Variants in HCK observed in about 807,000 individuals in gnomAD.
HCK encodes the protein tyrosine-protein kinase HCK.
Under a neutral mutation model 70.4 loss-of-function variants are expected in HCK, and 40 were observed. The ratio of observed to expected loss-of-function variants is 0.57; its 90% CI spans 0.44 to 0.74. The LOEUF (loss-of-function observed/expected upper bound fraction) is 0.74, where lower values mean the gene tolerates loss of function less well. Among genes scored for constraint, HCK ranks in the 30% least tolerant of loss-of-function variants. The pLI is 0.00. For synonymous variants in HCK, 245 were observed against 263.2 expected, an observed-to-expected ratio of 0.93 and a Z score of 0.67; for missense variants, 568 against 697.2, an observed-to-expected ratio of 0.81 and a Z score of 2.09.
chr20:32,056,664 A>G (rs1267828390), intron 1 of HCK, among the ~76,000 whole-genome samples: 2 of 152,072 alleles, frequency 1.3e-5, no homozygotes, highest in Admixed American at 6.6e-5. Flanking sequence ...TTTTATTAGT[A>G]TTATTATTAC....
At chr20:32,059,293 T>TTCCTTCCTTCCTTCCC (rs1188956257) in intron 1 of HCK, among the ~76,000 whole-genome samples, 2,332 of 148,900 alleles carry the variant, frequency 0.016, 39 homozygotes, top group Admixed American at 0.023. Context: ...CCTTCCTTCC[T>TTCCTTCCTTCCTTCCC]TCCCTCCCTC....
intron 3 of HCK, 49 bp from the exon 4 acceptor site, chr20:32,073,667 G>A (rs1383721535): frequency 7.7e-7 from 1 of 1,303,678 alleles, no homozygotes; most frequent in Non-Finnish European, 1.1e-6. Flanking sequence ...ACCAAGGGCT[G>A]TGGATGCACT....
At chr20:32,083,188 A>C (rs1292179750) in intron 6 of HCK, among the ~76,000 whole-genome samples, 1 of 152,110 alleles carries the variant, frequency 6.6e-6, no homozygotes, top group African/African-American at 2.4e-5. Context: ...ACCTCCTTCT[A>C]ACAAGAACTC....
chr20:32,093,528 T>C (rs887457108), intron 10 of HCK, among the ~76,000 whole-genome samples: 1 of 151,440 alleles, frequency 6.6e-6, no homozygotes, highest in South Asian at 2.1e-4. Flanking sequence ...TGTGTGCATG[T>C]GCACGTGTGT....
At chr20:32,071,058 A>G (rs2045530839) in intron 1 of HCK, among the ~76,000 whole-genome samples, 1 of 152,022 alleles carries the variant, frequency 6.6e-6, no homozygotes, top group South Asian at 2.1e-4. Context: ...GACAAACTAG[A>G]TTGTTTGAGC....
At chr20:32,063,586 C>T (rs897408178) in intron 1 of HCK, among the ~76,000 whole-genome samples, 35 of 152,040 alleles carry the variant, frequency 2.3e-4, no homozygotes, top group African/African-American at 8.5e-4. Context: ...GCTTCAGTGC[C>T]ATCAGCTTAA....
At chr20:32,064,130 A>G (rs1424345672) in intron 1 of HCK, among the ~76,000 whole-genome samples, 1 of 150,576 alleles carries the variant, frequency 6.6e-6, no homozygotes, top group Non-Finnish European at 1.5e-5. Flanking sequence ...CAGCCTCCCA[A>G]GTAGCTGGGA....
intron 1 of HCK, among the ~76,000 whole-genome samples, chr20:32,069,231 G>A (rs140200054): frequency 3.9e-5 from 6 of 152,332 alleles, no homozygotes; most frequent in Non-Finnish European, 8.8e-5. Flanking sequence ...CCCTTTCTCA[G>A]AGATGGCCTT....
At chr20:32,086,113 G>A (rs1028002552) in intron 8 of HCK, among the ~76,000 whole-genome samples, 1 of 152,148 alleles carries the variant, frequency 6.6e-6, no homozygotes, top group African/African-American at 2.4e-5. Context: ...TCCGTCTCCT[G>A]GGTTCACACC....
At chr20:32,059,855 T>C (rs888988421) in intron 1 of HCK, among the ~76,000 whole-genome samples, 9 of 152,154 alleles carry the variant, frequency 5.9e-5, no homozygotes, top group African/African-American at 1.9e-4. Context: ...TGCACTAATG[T>C]TTTACTAGGT....
chr20:32,087,711 G>A (rs2045809280), intron 9 of HCK, among the ~76,000 whole-genome samples: 1 of 151,692 alleles, frequency 6.6e-6, no homozygotes, highest in Non-Finnish European at 1.5e-5. Flanking sequence ...GCACAATCTC[G>A]GCTCAATGCA....
At chr20:32,080,935 A>T (rs1263189483) in intron 6 of HCK, among the ~76,000 whole-genome samples, 1 of 151,928 alleles carries the variant, frequency 6.6e-6, no homozygotes, top group African/African-American at 2.4e-5. Flanking sequence ...GAAAAATTTT[A>T]AAAATTAGCC....
chr20:32,058,605 A>AACACACACACACAC lies in HCK; in HGVS notation c.62+6141_62+6154dup, dbSNP rs60349531. The stretch of plus-strand genomic sequence containing the variant: ...TGCAGCACAATTCCTTTTATGTCAA[A>AACACACACACACAC]ACACACACACACACACACACACACA... On this transcript the variant is annotated intron_variant, in intron 1 of 12. Transcript: ENST00000375852. Among the ~76,000 whole-genome samples the AACACACACACACAC allele has an allele frequency of 6.6e-4, 94 of 142,432 alleles. 1 individual carries two copies. Among genetic ancestry groups the AACACACACACACAC allele is most frequent in the Middle Eastern group, 7.2e-3 (2 of 276 alleles). The allele number at this position is 142,432 out of a possible 152,430, so 93.4% of individuals were successfully genotyped here. A position where few individuals can be genotyped will look rare whatever the true frequency, so the allele number is the denominator to read the frequency against.
At chr20:32,093,490 C>CGTGTGT (rs3073297) in intron 10 of HCK, among the ~76,000 whole-genome samples, 4,856 of 146,376 alleles carry the variant, frequency 0.033, 105 homozygotes, top group African/African-American at 0.051. Context: ...TCCTAGGGTT[C>CGTGTGT]GTGTGTGTGT....
chr20:32,094,334 A>G (rs763177625), intron 11 of HCK, among the ~76,000 whole-genome samples: 1 of 152,154 alleles, frequency 6.6e-6, no homozygotes, highest in African/African-American at 2.4e-5. Flanking sequence ...TGTCCATAGC[A>G]GGAGGATGGA....
In HCK at chr20:32,101,444, G is replaced by T; in HGVS notation, c.1506G>T (p.Pro502=). 6.2e-7 allele frequency: 1 copy of T among 1,614,052 alleles called. No individual in the cohort carries two copies. Among genetic ancestry groups the T allele is most frequent in the Non-Finnish European group, 8.5e-7 (1 of 1,179,982 alleles). The stretch of plus-strand genomic sequence containing the variant: ...GGAAAAACCGTCCGGAGGAGCGGCC[G>T]ACCTTCGAATACATCCAGAGTGTGC... The change falls in exon 13 of 13, where the codon CCG becomes CCT. Residue 502 remains proline, a synonymous_variant. Transcript: ENST00000375852.
At chr20:32,068,862 T>C (rs2045498212) in intron 1 of HCK, among the ~76,000 whole-genome samples, 1 of 152,170 alleles carries the variant, frequency 6.6e-6, no homozygotes, top group African/African-American at 2.4e-5. Flanking sequence ...GAGGATCACT[T>C]GATCCTGGGA....
In HCK at chr20:32,073,349, G is replaced by A; in HGVS notation, c.214G>A (p.Gly72Arg). Reference sequence around the variant, plus strand: ...TAATAGCCACAACAGCAACACACCAGGAATCAGGGAGGGTAAGTATCTACG... The same window carrying A: ...TAATAGCCACAACAGCAACACACCAAGAATCAGGGAGGGTAAGTATCTACG... The change falls in exon 3 of 13, where the codon GGA (glycine) becomes AGA (arginine). Residue 72 changes from glycine (G) to arginine (R), a missense_variant. Gly to Arg is a moderately radical substitution (Grantham distance 125). Around this residue, in one of 4 missense-constraint regions of HCK, gnomAD observed 318 missense variants for 336.0 expected, o/e 0.95. Transcript: ENST00000375852. The A allele has an allele frequency of 6.2e-7, 1 of 1,612,028 alleles. No individual in the cohort carries two copies. Among genetic ancestry groups the A allele is most frequent in the Non-Finnish European group, 8.5e-7 (1 of 1,179,330 alleles).
At chr20:32,073,593 C>T in intron 3 of HCK, 123 bp from the exon 4 acceptor site, 1 of 688,508 alleles carries the variant, frequency 1.5e-6, no homozygotes, top group Middle Eastern at 3.1e-4. Flanking sequence ...TGGTGAGACG[C>T]CTACTTATAC....
Sources: gnomAD v4.1 joint callset for allele counts (sites outside exome capture counted in the v4.1 genomes callset) on GRCh38, gnomAD v4.1.1 for gene constraint, gnomAD v4.1.1 regional missense constraint, MANE v1.5 for transcripts, NCBI Gene and HGNC (gene_info 2026-07-23, HGNC 2026-07-21) for gene names.